Variants in GPR137B observed in about 807,000 individuals in gnomAD.
The protein encoded by GPR137B is integral membrane protein GPR137B.
GPR137B carries 42 observed loss-of-function variants against 42.5 expected under a neutral mutation model. The observed-to-expected ratio is 0.99, with a 90% CI of 0.77 to 1.28. GPR137B has a LOEUF of 1.28. Ranked by LOEUF, GPR137B falls within the 50% of genes most tolerant of loss-of-function variation. GPR137B has a pLI of 0.00. For synonymous variants in GPR137B, 218 were observed against 209.7 expected (o/e 1.04, Z -0.34); for missense variants, 487 against 493.9 (o/e 0.99, Z 0.13).
At chr1:236,203,821 A>C (rs1388609580) in intron 5 of GPR137B, among the ~76,000 whole-genome samples, 1 of 152,180 alleles carries the variant, frequency 6.6e-6, no homozygotes, top group East Asian at 1.9e-4. Context: ...GGTATATAGA[A>C]ATGCTACTGA....
At chr1:236,192,586 A>G (rs1384540313) in intron 5 of GPR137B, among the ~76,000 whole-genome samples, 2 of 151,992 alleles carry the variant, frequency 1.3e-5, no homozygotes, top group Admixed American at 6.6e-5. Flanking sequence ...TCCCTTGGGT[A>G]GGGGAGAAAA....
chr1:236,169,921 T>C (rs1450842815), intron 2 of GPR137B, among the ~76,000 whole-genome samples: 1 of 151,810 alleles, frequency 6.6e-6, no homozygotes, highest in African/African-American at 2.4e-5. Flanking sequence ...ACATCTGTTG[T>C]CTCAGCTACT....
chr1:236,188,522 C>T (rs1663098345), intron 5 of GPR137B, among the ~76,000 whole-genome samples: 2 of 152,022 alleles, frequency 1.3e-5, no homozygotes, highest in Admixed American at 1.3e-4. Flanking sequence ...AGAGTTTTTA[C>T]CATGAACGGG....
In GPR137B at chr1:236,205,923, C is replaced by T. The variant is rs182134610; in HGVS notation, c.1091+673C>T. On this transcript the variant is annotated intron_variant, in intron 6 of 6. Transcript: ENST00000366592. ...GAATCTCCAAGAGGGAAATACAGCA[C>T]TTGTCTATGGAATCACTCAATGGAA... Among the ~76,000 whole-genome samples the T allele has an allele frequency of 1.5e-3, 221 of 152,318 alleles. 4 individuals are homozygous for T. The highest frequency in any genetic ancestry group is 5.1e-3 in the African/African-American group (211 of 41,574).
intron 1 of GPR137B, among the ~76,000 whole-genome samples, chr1:236,148,112 G>A (rs570994120): frequency 2.6e-5 from 4 of 152,336 alleles, no homozygotes; most frequent in South Asian, 4.1e-4. Context: ...TGTTCTAAGC[G>A]CTGTGTCAAA....
intron 1 of GPR137B, among the ~76,000 whole-genome samples, 153 bp from the exon 2 acceptor site, chr1:236,168,550 TAAG>T (rs1027414435): frequency 1.3e-5 from 2 of 152,052 alleles, no homozygotes; most frequent in Non-Finnish European, 2.9e-5. Context: ...ATGTGCAACA[TAAG>T]AAATGTTTGG....
chr1:236,168,036 T>C (rs1269461987), intron 1 of GPR137B, among the ~76,000 whole-genome samples: 1 of 152,210 alleles, frequency 6.6e-6, no homozygotes, highest in Admixed American at 6.5e-5. Context: ...TTATTTTAAA[T>C]GTACTGCAAA....
intron 5 of GPR137B, among the ~76,000 whole-genome samples, chr1:236,187,149 A>G (rs1052674490): frequency 1.3e-5 from 2 of 152,158 alleles, no homozygotes; most frequent in Non-Finnish European, 2.9e-5. Flanking sequence ...TTTGAGAAGT[A>G]TCTGTTCATA....
chr1:236,157,387 C>T (rs1203130579), intron 1 of GPR137B, among the ~76,000 whole-genome samples: 1 of 152,170 alleles, frequency 6.6e-6, no homozygotes, highest in Non-Finnish European at 1.5e-5. Flanking sequence ...CCACGCCCGG[C>T]TAATTTTTTG....
At chr1:236,177,430 C>G (rs942101091) in intron 2 of GPR137B, among the ~76,000 whole-genome samples, 2 of 152,130 alleles carry the variant, frequency 1.3e-5, no homozygotes, top group African/African-American at 4.8e-5. Context: ...CCTAGTCTTT[C>G]CATAGATTTT....
chr1:236,208,331 T>G lies in GPR137B; in HGVS notation c.*173T>G. ...AATAATGTAGACTGATAAACCCTTA[T>G]TTTAGTACTAAAGAGGGAGCCTTGC... On this transcript the variant is annotated 3_prime_UTR_variant, in exon 7 of 7. Transcript: ENST00000366592. The G allele has an allele frequency of 7.4e-7, 1 of 1,346,210 alleles. No homozygotes were observed. Among genetic ancestry groups the G allele is most frequent in the South Asian group, 2.2e-5 (1 of 44,968 alleles). 83.4% of individuals were successfully genotyped at this position (1,346,210 alleles called of 1,614,324 possible).
intron 5 of GPR137B, among the ~76,000 whole-genome samples, chr1:236,187,507 A>G (rs1663067851): frequency 6.6e-6 from 1 of 152,144 alleles, no homozygotes; most frequent in Non-Finnish European, 1.5e-5. Flanking sequence ...TAACTTTTGT[A>G]TAAGGTGTAA....
At chr1:236,182,221 C>T (rs1439657299) in intron 4 of GPR137B, among the ~76,000 whole-genome samples, 1 of 152,110 alleles carries the variant, frequency 6.6e-6, no homozygotes, top group African/African-American at 2.4e-5. Context: ...GTGTACAGTT[C>T]ACTGGTATTA....
At chr1:236,158,747 T>G (rs1571968443) in intron 1 of GPR137B, among the ~76,000 whole-genome samples, 1 of 152,128 alleles carries the variant, frequency 6.6e-6, no homozygotes, top group Non-Finnish European at 1.5e-5. Flanking sequence ...GCACCCCCTT[T>G]TAAGGATAGG....
In GPR137B at chr1:236,178,596, T is replaced by A. The variant is rs1662763687; in HGVS notation, c.647T>A (p.Ile216Asn). 2 of 1,612,284 alleles carry A rather than the reference T, an allele frequency of 1.2e-6. No homozygotes were observed. Among genetic ancestry groups the A allele is most frequent in the Non-Finnish European group, 1.7e-6 (2 of 1,179,678 alleles). ...TCTCTCTCCATCTGTCTCTACAAAA[T>A]CTCTAAGATGTCCTTAGCCAACATT... Reference protein sequence around the residue: ...AVSLSICLYKISKMSLANIYL... With the variant: ...AVSLSICLYKNSKMSLANIYL... Residue 216 changes from isoleucine (I) to asparagine (N), a missense_variant, in exon 3 of 7, where the codon ATC becomes AAC. Transcript: ENST00000366592.
At chr1:236,173,175 C>T (rs1454251897) in intron 2 of GPR137B, among the ~76,000 whole-genome samples, 1 of 151,350 alleles carries the variant, frequency 6.6e-6, no homozygotes, top group Non-Finnish European at 1.5e-5. Flanking sequence ...CCTGTATTCC[C>T]AGCTACTTGG....
chr1:236,167,566 G>T (rs771755740), intron 1 of GPR137B, among the ~76,000 whole-genome samples: 1 of 152,196 alleles, frequency 6.6e-6, no homozygotes, highest in Non-Finnish European at 1.5e-5. Context: ...GTCCAGACTT[G>T]CCGGAATGGG....
intron 5 of GPR137B, among the ~76,000 whole-genome samples, chr1:236,190,666 CTCTT>C (rs941398676): frequency 1.2e-5 from 1 of 82,710 alleles, no homozygotes; most frequent in African/African-American, 3.8e-5. Context: ...GGCCCCCACT[CTCTT>C]TTGGCTTGTA....
intron 2 of GPR137B, 76 bp downstream of exon 2, chr1:236,168,831 G>A: frequency 4.7e-6 from 5 of 1,071,054 alleles, no homozygotes; most frequent in Non-Finnish European, 7.3e-6. Flanking sequence ...CTCCATTGGG[G>A]TTTGCACACA....
Sources: allele counts gnomAD v4.1 joint callset (sites outside exome capture counted in the v4.1 genomes callset), GRCh38; gene constraint gnomAD v4.1.1; transcripts MANE v1.5; gene names NCBI Gene and HGNC (gene_info 2026-07-23, HGNC 2026-07-21).